USH2A: variants seen among roughly 807,000 people sequenced by gnomAD.
The protein encoded by USH2A is Usher syndrome 2A (autosomal recessive, mild).
A neutral mutation model predicts 538.9 loss-of-function variants in USH2A; 443 were observed. The observed-to-expected ratio is 0.82, with a 90% CI of 0.76 to 0.89. The LOEUF (loss-of-function observed/expected upper bound fraction) is 0.89. Ranked by LOEUF, USH2A falls within the 40% of genes least tolerant of loss-of-function variation. USH2A has a pLI of 0.00. For synonymous variants in USH2A, 2,413 were observed against 2,273.5 expected, an observed-to-expected ratio of 1.06 and a Z score of -1.75; for missense variants, 6,633 against 6,324.8, an observed-to-expected ratio of 1.05 and a Z score of -1.65.
intron 60 of USH2A, among the ~76,000 whole-genome samples, chr1:215,740,878 C>T (rs57986259): frequency 6.6e-6 from 1 of 152,118 alleles, no homozygotes; most frequent in Non-Finnish European, 1.5e-5. Flanking sequence ...CTAGATCCCC[C>T]ACATGCGCAG....
In USH2A at chr1:215,877,832, G is replaced by A. The variant is rs2102450771; in HGVS notation, c.8607C>T (p.Pro2869=). The A allele has an allele frequency of 6.2e-7, 1 of 1,613,784 alleles. No homozygotes were observed. Among genetic ancestry groups the A allele is most frequent in the South Asian group, 1.1e-5 (1 of 91,076 alleles). Residue 2869 remains proline (P), a synonymous_variant, in exon 43 of 72, where the codon CCC becomes CCT. Coordinates refer to ENST00000307340, the MANE Select transcript of USH2A (RefSeq NM_206933.4). The part of the protein sequence containing the change: ...RKIQQPLASN[P]PEDLNRWHNI... ...TGTGCCACCGATTTAAATCTTCTGGGGGATTTGATGCAAGTGGCTGCTGGA... is the reference window on the plus strand; with the variant it reads ...TGTGCCACCGATTTAAATCTTCTGGAGGATTTGATGCAAGTGGCTGCTGGA...
At chr1:215,659,213 T>C (rs1003392435) in intron 64 of USH2A, among the ~76,000 whole-genome samples, 3 of 152,182 alleles carry the variant, frequency 2.0e-5, no homozygotes, top group Admixed American at 6.5e-5. Flanking sequence ...GGAGGTTCTC[T>C]CAACAGATGA....
chr1:215,856,803 C>T (rs766449832), intron 44 of USH2A, among the ~76,000 whole-genome samples: 4 of 151,352 alleles, frequency 2.6e-5, no homozygotes, highest in Non-Finnish European at 4.4e-5. Flanking sequence ...CCCAAACGCC[C>T]ATCAATCAAT....
At chr1:216,256,586 C>T (rs188181634) in intron 11 of USH2A, among the ~76,000 whole-genome samples, 10 of 152,080 alleles carry the variant, frequency 6.6e-5, no homozygotes, top group Middle Eastern at 3.4e-3. Flanking sequence ...CTCTGCCAGC[C>T]ATGAGGCCAC....
chr1:215,805,225 G>GTA (rs1662464888), intron 49 of USH2A, among the ~76,000 whole-genome samples: 1 of 151,916 alleles, frequency 6.6e-6, no homozygotes, highest in Admixed American at 6.6e-5. Flanking sequence ...CATGGCACAT[G>GTA]TATATATATG....
rs2034907732 is a variant in USH2A at position 216,198,547 on chromosome 1, C to A, written c.3849G>T (p.Leu1283=). 4 of 1,613,516 alleles carry A rather than the reference C, an allele frequency of 2.5e-6. No homozygotes were observed. Among genetic ancestry groups the A allele is most frequent in the Non-Finnish European group, 3.4e-6 (4 of 1,179,900 alleles). ...CAGATGTGGTTTCTTTAGTAGATCT[C>A]AGTCTTCTCATGTATAGTTCATATC... ...IIRYELYMRR[L]RSTKETTSEE... Residue 1283 remains leucine (L), a synonymous_variant, in exon 18 of 72, where the codon CTG becomes CTT. Coordinates refer to ENST00000307340, the MANE Select transcript of USH2A (RefSeq NM_206933.4).
chr1:216,325,872 A>G (rs1374317865), intron 5 of USH2A, among the ~76,000 whole-genome samples: 1 of 152,220 alleles, frequency 6.6e-6, no homozygotes, highest in Non-Finnish European at 1.5e-5. Flanking sequence ...TTATTAAGAT[A>G]CTTATTTAAA....
At position 215,922,335 on chromosome 1, in the gene USH2A, T is replaced by A. The variant is rs555369838; in HGVS notation, c.7300+12281A>T. Among the ~76,000 whole-genome samples the A allele has an allele frequency of 7.2e-5, 11 of 152,194 alleles. 1 individual carries two copies. In the East Asian group the frequency reaches 2.1e-3, roughly 29 times the overall value. Reference sequence around the variant, plus strand: ...CTGGTGCCACAGGTAGAACTCAACATCTGGAATTGGTTATCTTTGGTATCT... The same window carrying A: ...CTGGTGCCACAGGTAGAACTCAACAACTGGAATTGGTTATCTTTGGTATCT... On this transcript the variant is annotated intron_variant, in intron 38 of 71. Coordinates refer to ENST00000307340, the MANE Select transcript of USH2A (RefSeq NM_206933.4).
chr1:215,978,594 A>G (rs1206223138), intron 35 of USH2A, among the ~76,000 whole-genome samples: 4 of 152,362 alleles, frequency 2.6e-5, no homozygotes, highest in East Asian at 3.9e-4. Context: ...AGAGTTAAAC[A>G]TAGGTATAAT....
intron 3 of USH2A, among the ~76,000 whole-genome samples, chr1:216,413,332 A>G (rs2039523707): frequency 6.6e-6 from 1 of 152,060 alleles, no homozygotes; most frequent in Non-Finnish European, 1.5e-5. Flanking sequence ...AAGCTTACTG[A>G]ACTGAATGAG....
intron 30 of USH2A, among the ~76,000 whole-genome samples, chr1:216,068,718 A>G (rs1350866237): frequency 6.6e-6 from 1 of 152,198 alleles, no homozygotes; most frequent in Non-Finnish European, 1.5e-5. Context: ...TAAAACAGAA[A>G]GGAAAAAAAG....
chr1:216,206,383 G>A (rs896444836), intron 16 of USH2A, among the ~76,000 whole-genome samples: 1 of 152,074 alleles, frequency 6.6e-6, no homozygotes, highest in African/African-American at 2.4e-5. Flanking sequence ...GGATGGTTTT[G>A]GCATGATTCA....
chr1:216,405,596 G>A (rs2039382145), intron 3 of USH2A, among the ~76,000 whole-genome samples: 2 of 152,158 alleles, frequency 1.3e-5, no homozygotes, highest in South Asian at 4.1e-4. Flanking sequence ...TACATCACTG[G>A]TGGGATTCTA....
At chr1:216,281,842 C>T (rs184071627) in intron 11 of USH2A, among the ~76,000 whole-genome samples, 1 of 149,426 alleles carries the variant, frequency 6.7e-6, no homozygotes, top group East Asian at 2.0e-4. Flanking sequence ...TCTCCACATC[C>T]TCACCAAATT....
At chr1:216,181,428 C>T (rs923376909) in intron 20 of USH2A, among the ~76,000 whole-genome samples, 9 of 152,088 alleles carry the variant, frequency 5.9e-5, no homozygotes, top group Admixed American at 6.6e-5. Flanking sequence ...TCTCAGCCAC[C>T]TTGTTCCTTT....
In USH2A at chr1:215,625,870, A is replaced by C; in HGVS notation, c.15520T>G (p.Tyr5174Asp). ...EAIMGHNSGLYVDEEDLMNAI... is the reference protein window; with the variant it reads ...EAIMGHNSGLDVDEEDLMNAI... ...TTCATCAGGTCCTCTTCATCCACAT[A>C]CTGAAAAATAAGCCAATCATCATTG... The change falls in exon 72 of 72, where the codon TAT (tyrosine) becomes GAT (aspartate). Residue 5174 changes from tyrosine to aspartate, a missense_variant and splice_region_variant. Tyr to Asp is a radical substitution (Grantham distance 160, BLOSUM62 -3). Transcript: ENST00000307340. 1.2e-6 allele frequency: 2 copies of C among 1,614,024 alleles called. No individual in the cohort carries two copies. Among genetic ancestry groups the C allele is most frequent in the Non-Finnish European group, 1.7e-6 (2 of 1,179,914 alleles).
intron 21 of USH2A, among the ~76,000 whole-genome samples, chr1:216,160,671 G>A (rs1228978324): frequency 6.6e-6 from 1 of 152,022 alleles, no homozygotes; most frequent in Non-Finnish European, 1.5e-5. Flanking sequence ...TGTCCTATGT[G>A]TTCCTCAAAA....
Position 216,325,650 on chromosome 1 carries a change from G to C in USH2A, c.849-51C>G, listed in dbSNP as rs147502944. ...AAGGACAAAGAGCTTAACAGTAATA[G>C]AACTTCTAGGAGTCGTTACAAATGA... On this transcript the variant is annotated intron_variant, in intron 5 of 71. Coordinates refer to ENST00000307340, the MANE Select transcript of USH2A (RefSeq NM_206933.4). The C allele has an allele frequency of 2.0e-4, 306 of 1,558,520 alleles. 1 individual carries two copies. The highest frequency in any genetic ancestry group is 3.4e-4 in the Middle Eastern group (2 of 5,952).
At chr1:216,247,266 T>C in intron 12 of USH2A, 40 bp from the exon 13 acceptor site, 9 of 1,609,600 alleles carry the variant, frequency 5.6e-6, no homozygotes, top group Non-Finnish European at 7.6e-6. Flanking sequence ...GATGGGAAAA[T>C]GATTTCATTC....
Sources: allele counts gnomAD v4.1 joint callset (sites outside exome capture counted in the v4.1 genomes callset), GRCh38; gene constraint gnomAD v4.1.1; transcripts MANE v1.5; gene names NCBI Gene and HGNC (gene_info 2026-07-23, HGNC 2026-07-21).